Variants in MINK1 observed in about 807,000 individuals in gnomAD.
The protein encoded by MINK1 is misshapen-like kinase 1.
A neutral mutation model predicts 178.4 loss-of-function variants in MINK1; 46 were observed. The ratio of observed to expected loss-of-function variants is 0.26; its 90% CI spans 0.20 to 0.33. The LOEUF is 0.33. Ranked by LOEUF, MINK1 falls within the 10% of genes least tolerant of loss-of-function variation. The probability of loss-of-function intolerance (pLI) is 1.00; values close to 1 mark genes in which losing one functional copy is unlikely to be tolerated. For synonymous variants in MINK1, 797 were observed against 709.7 expected (o/e 1.12, Z -1.96); for missense variants, 1,366 against 1,814.9 (o/e 0.75, Z 4.49).
chr17:4,878,253 C>A (rs1022246221), intron 1 of MINK1, 64 bp from the exon 2 acceptor site: 4 of 1,435,488 alleles, frequency 2.8e-6, no homozygotes, highest in African/African-American at 2.8e-5. Context: ...CACTTTACCC[C>A]CCTCTAGCTC....
chr17:4,883,739 C>T (rs1481568154), intron 4 of MINK1, among the ~76,000 whole-genome samples: 2 of 148,684 alleles, frequency 1.3e-5, no homozygotes, highest in Non-Finnish European at 1.5e-5. Context: ...AGGGTTTCAC[C>T]GTGTTATCCA....
intron 15 of MINK1, 80 bp downstream of exon 15, chr17:4,891,204 A>G (rs1224895745): frequency 2.8e-4 from 119 of 420,398 alleles, no homozygotes; most frequent in Non-Finnish European, 3.7e-4. Context: ...ACGCGCGCAC[A>G]CACACACACA....
intron 16 of MINK1, 151 bp from the exon 17 acceptor site, chr17:4,891,998 T>C: frequency 1.3e-6 from 1 of 765,388 alleles, no homozygotes. Flanking sequence ...ATCATCCGGC[T>C]TCATAACCCT....
chr17:4,845,181 AC>A (rs1197330210), intron 1 of MINK1, among the ~76,000 whole-genome samples: 3 of 151,356 alleles, frequency 2.0e-5, no homozygotes, highest in Non-Finnish European at 2.9e-5. Flanking sequence ...CCAGAACACA[AC>A]CCCCCTCCCA....
intron 1 of MINK1, among the ~76,000 whole-genome samples, chr17:4,854,432 G>A (rs747109267): frequency 1.3e-5 from 2 of 152,204 alleles, no homozygotes; most frequent in Non-Finnish European, 2.9e-5. Context: ...AGAGGAGGAG[G>A]GGAATAAATT....
intron 1 of MINK1, among the ~76,000 whole-genome samples, chr17:4,844,837 T>C (rs1258579252): frequency 6.6e-6 from 1 of 152,142 alleles, no homozygotes; most frequent in Non-Finnish European, 1.5e-5. Flanking sequence ...AATGTGTTGT[T>C]GTTGTTTTTT....
In MINK1 at chr17:4,894,585, C is replaced by A. The variant is rs950366194; in HGVS notation, c.2869C>A (p.Leu957Ile). 2.5e-6 allele frequency: 4 copies of A among 1,609,476 alleles called. No homozygotes were observed. Among genetic ancestry groups the A allele is most frequent in the Non-Finnish European group, 3.4e-6 (4 of 1,177,846 alleles). Residue 957 changes from leucine (L) to isoleucine (I), a missense_variant, in exon 24 of 32, where the codon CTA (leucine) becomes ATA (isoleucine). By Grantham distance (5) the Leu-to-Ile change is conservative. Coordinates refer to ENST00000355280, the MANE Select transcript of MINK1 (RefSeq NM_153827.5). This position sits in a 1 kb window ranked among gnomAD's most constrained non-coding sequence, Gnocchi z 4.1. ...GKSSFTMFVD[L>I]GIYQPGGSGD... ...GAGCTCGTTCACGATGTTTGTGGAT[C>A]TAGGGATCTACCAGCCTGGAGGCAG...
At chr17:4,844,895 C>T (rs569810601) in intron 1 of MINK1, among the ~76,000 whole-genome samples, 7 of 152,218 alleles carry the variant, frequency 4.6e-5, no homozygotes, top group Admixed American at 2.6e-4. Context: ...CATTTTTCAG[C>T]GTACACTTCT....
chr17:4,851,170 C>T (rs1911891431), intron 1 of MINK1: 1 of 370,422 alleles, frequency 2.7e-6, no homozygotes, highest in South Asian at 1.9e-5. Context: ...TTTTGCCTTG[C>T]TTTGTGGGAG....
intron 1 of MINK1, among the ~76,000 whole-genome samples, chr17:4,871,278 G>A (rs956805444): frequency 4.1e-5 from 6 of 145,898 alleles, no homozygotes; most frequent in South Asian, 2.2e-4. Context: ...ACTGCCTTCC[G>A]CTCCTGGGCT....
intron 1 of MINK1, among the ~76,000 whole-genome samples, chr17:4,850,519 G>GGCCC (rs66867699): frequency 6.2e-5 from 9 of 144,892 alleles, no homozygotes; most frequent in African/African-American, 2.3e-4. Flanking sequence ...CTTCCTGCTG[G>GGCCC]CCCCCCCCGC....
chr17:4,877,994 T>C (rs1164271091), intron 1 of MINK1, among the ~76,000 whole-genome samples: 1 of 152,014 alleles, frequency 6.6e-6, no homozygotes, highest in Non-Finnish European at 1.5e-5. Flanking sequence ...GTATTTTTAG[T>C]AGAGACGGGG....
rs1468391182 is a variant in MINK1 at position 4,895,223 on chromosome 17, C to T, written c.3066C>T (p.Ile1022=). The change falls in exon 25 of 32, where the codon ATC becomes ATT. Residue 1022 remains isoleucine, a synonymous_variant. Coordinates refer to ENST00000355280, the MANE Select transcript of MINK1 (RefSeq NM_153827.5). The surrounding 1 kb of genome is among the most constrained non-coding windows in gnomAD (Gnocchi z 4.3). ...ACAAGAAGCGATTCAACTCCGAGAT[C>T]CTCTGTGCAGCCCTTTGGGGTAAGC... ...RKYKKRFNSE[I]LCAALWGVNL... is the part of the protein sequence containing the mutation. 1.9e-6 allele frequency: 3 copies of T among 1,614,150 alleles called. No individual in the cohort carries two copies. Among genetic ancestry groups the T allele is most frequent in the South Asian group, 2.2e-5 (2 of 91,082 alleles).
chr17:4,887,040 C>A lies in MINK1; in HGVS notation c.950-70C>A. The A allele has an allele frequency of 6.6e-7, 1 of 1,504,700 alleles. No homozygotes were observed. The highest frequency in any genetic ancestry group is 9.0e-7 in the Non-Finnish European group (1 of 1,106,576). The allele number at this position is 1,504,700 out of a possible 1,614,324, so 93.2% of individuals were successfully genotyped here. On this transcript the variant is annotated intron_variant, in intron 10 of 31. Transcript: ENST00000355280. This position sits in a 1 kb window ranked among gnomAD's most constrained non-coding sequence, Gnocchi z 7.6. ...GCCAGAGAGACCTGGTTATCCCCAC[C>A]CAAGGTTTCCCTAGCCCACGGCGGG...
chr17:4,846,766 C>T (rs1205100847), intron 1 of MINK1, among the ~76,000 whole-genome samples: 5 of 152,136 alleles, frequency 3.3e-5, no homozygotes, highest in Admixed American at 3.3e-4. Context: ...GAACTCCTGG[C>T]CTCAAGTGAT....
chr17:4,884,052 G>A (rs1352556320), intron 4 of MINK1, among the ~76,000 whole-genome samples: 5 of 135,860 alleles, frequency 3.7e-5, no homozygotes, highest in African/African-American at 5.7e-5. Context: ...TTTTTGAGAC[G>A]GAGTCTTGCT....
Position 4,886,751 on chromosome 17 carries a change from A to G in MINK1, c.949+125A>G. 1 of 1,122,856 alleles carries G rather than the reference A, an allele frequency of 8.9e-7. No individual in the cohort carries two copies. Among genetic ancestry groups the G allele is most frequent in the Non-Finnish European group, 1.2e-6 (1 of 816,376 alleles). The allele number at this position is 1,122,856 out of a possible 1,614,324, so 69.6% of individuals were successfully genotyped here. ...CCTTGGCCCCAGCTCTCCCTGTCCAAGGAGATCGTTCTCAAACTTGCAACC... is the reference window on the plus strand; with the variant it reads ...CCTTGGCCCCAGCTCTCCCTGTCCAGGGAGATCGTTCTCAAACTTGCAACC... On this transcript the variant is annotated intron_variant, in intron 10 of 31. Transcript: ENST00000355280. This position sits in a 1 kb window ranked among gnomAD's most constrained non-coding sequence, Gnocchi z 6.1.
chr17:4,881,859 AC>A (rs1238667516), intron 4 of MINK1, among the ~76,000 whole-genome samples: 1 of 152,160 alleles, frequency 6.6e-6, no homozygotes, highest in Non-Finnish European at 1.5e-5. Context: ...CCCCAGCCTC[AC>A]CCTTTGTGGT....
chr17:4,838,508 GTGTGCC>G (rs1909640405), intron 1 of MINK1, among the ~76,000 whole-genome samples: 1 of 152,160 alleles, frequency 6.6e-6, no homozygotes, highest in Non-Finnish European at 1.5e-5. Flanking sequence ...GCATTGAACT[GTGTGCC>G]TAAGACAGGG....
Sources: gnomAD v4.1 joint callset for allele counts (sites outside exome capture counted in the v4.1 genomes callset) on GRCh38, gnomAD v4.1.1 for gene constraint, Gnocchi (gnomAD v3.1) non-coding constraint, MANE v1.5 for transcripts, NCBI Gene and HGNC (gene_info 2026-07-23, HGNC 2026-07-21) for gene names.